Variants in TENM4 observed in about 807,000 individuals in gnomAD.
TENM4 encodes the protein teneurin-4.
In TENM4, 82 loss-of-function variants were observed where a neutral mutation model predicts 243.3. That is an observed-to-expected ratio of 0.34 (90% confidence interval 0.28 to 0.40). TENM4 has a LOEUF of 0.40. Among genes scored for constraint, TENM4 ranks in the 10% least tolerant of loss-of-function variants. The pLI is 1.00. For synonymous variants in TENM4, 1,412 were observed against 1,456.3 expected, an observed-to-expected ratio of 0.97 and a Z score of 0.69; for missense variants, 3,138 against 3,673.3, an observed-to-expected ratio of 0.85 and a Z score of 3.77.
chr11:78,676,802 C>A (rs1351815529), intron 29 of TENM4, among the ~76,000 whole-genome samples: 1 of 152,186 alleles, frequency 6.6e-6, no homozygotes, highest in East Asian at 1.9e-4. Context: ...AATAGATACT[C>A]AGTTTGATTC....
intron 4 of TENM4, among the ~76,000 whole-genome samples, chr11:79,119,558 A>G (rs1490804106): frequency 6.6e-6 from 1 of 152,190 alleles, no homozygotes; most frequent in African/African-American, 2.4e-5. Context: ...CTAATCATCA[A>G]GGCATCAGCC....
intron 10 of TENM4, among the ~76,000 whole-genome samples, chr11:78,856,757 G>GA (rs1414251503): frequency 2.0e-5 from 3 of 152,146 alleles, no homozygotes; most frequent in Non-Finnish European, 4.4e-5. Context: ...GGAAGATGAG[G>GA]AAAAGGTACT....
intron 6 of TENM4, among the ~76,000 whole-genome samples, chr11:78,927,793 C>T (rs1856583216): frequency 6.6e-6 from 1 of 152,128 alleles, no homozygotes; most frequent in South Asian, 2.1e-4. Flanking sequence ...TCAGAGTTGG[C>T]ACTCAACCAG....
chr11:78,878,819 T>C (rs148629030), intron 9 of TENM4, among the ~76,000 whole-genome samples: 3 of 152,164 alleles, frequency 2.0e-5, no homozygotes, highest in African/African-American at 7.2e-5. Context: ...AATCCAGATA[T>C]GAAATAAGAA....
intron 1 of TENM4, chr11:79,422,055 C>T (rs1271914481): frequency 6.5e-6 from 1 of 153,122 alleles, no homozygotes; most frequent in Non-Finnish European, 1.5e-5. Flanking sequence ...AACAATCTTC[C>T]CATTCCCCCA....
chr11:79,418,413 C>T (rs1180607022), intron 1 of TENM4, among the ~76,000 whole-genome samples: 1 of 152,192 alleles, frequency 6.6e-6, no homozygotes, highest in Non-Finnish European at 1.5e-5. Context: ...AATACTGATA[C>T]TAATGGTTGC....
intron 2 of TENM4, among the ~76,000 whole-genome samples, chr11:79,290,450 T>C (rs1856335411): frequency 6.6e-6 from 1 of 152,144 alleles, no homozygotes; most frequent in Non-Finnish European, 1.5e-5. Context: ...AGAATCTGGG[T>C]TTTTTGGCAT....
chr11:78,838,524 A>T (rs1229699554), intron 12 of TENM4, among the ~76,000 whole-genome samples: 1 of 152,106 alleles, frequency 6.6e-6, no homozygotes. Flanking sequence ...TTCTAGCTTG[A>T]CTTTTAAATA....
chr11:79,375,463 T>C (rs1177330994), intron 1 of TENM4, among the ~76,000 whole-genome samples: 1 of 152,210 alleles, frequency 6.6e-6, no homozygotes, highest in Non-Finnish European at 1.5e-5. Context: ...TTCAGTATAA[T>C]AAACTTTTCT....
intron 16 of TENM4, among the ~76,000 whole-genome samples, chr11:78,781,008 T>C (rs1856829072): frequency 6.6e-6 from 1 of 152,212 alleles, no homozygotes; most frequent in African/African-American, 2.4e-5. Context: ...AGCCAGTTAA[T>C]ACCAAGTCCA....
intron 32 of TENM4, among the ~76,000 whole-genome samples, chr11:78,664,558 C>T (rs1223250119): frequency 1.3e-5 from 2 of 152,136 alleles, no homozygotes; most frequent in Admixed American, 6.5e-5. Context: ...CAGCTCAGTA[C>T]CCACTCACAG....
At chr11:79,075,698 A>T (rs1229352823) in intron 4 of TENM4, among the ~76,000 whole-genome samples, 2 of 152,218 alleles carry the variant, frequency 1.3e-5, no homozygotes, top group Non-Finnish European at 1.5e-5. Context: ...GACGAAGAGC[A>T]TGTGGCCCCC....
intron 1 of TENM4, among the ~76,000 whole-genome samples, chr11:79,320,919 C>G (rs1856877632): frequency 6.6e-6 from 1 of 152,206 alleles, no homozygotes; most frequent in Non-Finnish European, 1.5e-5. Context: ...AGCTAGGTGT[C>G]TCTGCATAAA....
In TENM4 at chr11:78,701,983, C is replaced by G; in HGVS notation, c.4630G>C (p.Val1544Leu). ...AKLNTPSSLA[V>L]CADGELYVAD... Reference sequence around the variant, plus strand: ...ACGTAGAGCTCCCCATCAGCACACACAGCCAAGGAAGATGGGGTATTTAAC... The same window carrying G: ...ACGTAGAGCTCCCCATCAGCACACAGAGCCAAGGAAGATGGGGTATTTAAC... Residue 1544 changes from valine to leucine, a missense_variant, in exon 28 of 34, where the codon GTG becomes CTG. Physicochemically the swap from Val to Leu is conservative, Grantham distance 32. Around this residue, in one of 2 missense-constraint regions of TENM4, gnomAD observed 2,467 missense variants for 3,059.1 expected, o/e 0.81. Coordinates refer to ENST00000278550, the MANE Select transcript of TENM4 (RefSeq NM_001098816.3). 2 of 1,614,040 alleles carry G rather than the reference C, an allele frequency of 1.2e-6. No individual in the cohort carries two copies. Among genetic ancestry groups the G allele is most frequent in the Non-Finnish European group, 1.7e-6 (2 of 1,179,900 alleles).
intron 6 of TENM4, among the ~76,000 whole-genome samples, chr11:79,060,600 T>C (rs916491611): frequency 2.6e-5 from 4 of 152,162 alleles, no homozygotes; most frequent in African/African-American, 4.8e-5. Flanking sequence ...GGTTGCACAT[T>C]TTTGGTGGCC....
At chr11:78,703,719 A>T (rs2135773327) in intron 27 of TENM4, among the ~76,000 whole-genome samples, 1 of 151,878 alleles carries the variant, frequency 6.6e-6, no homozygotes, top group South Asian at 2.1e-4. Flanking sequence ...CGACAGGTGC[A>T]CCCTACTGCT....
intron 19 of TENM4, among the ~76,000 whole-genome samples, chr11:78,755,632 T>C (rs907999086): frequency 2.0e-5 from 3 of 152,154 alleles, no homozygotes; most frequent in African/African-American, 7.2e-5. Flanking sequence ...TTTATCACCT[T>C]GCTCCCACCC....
At chr11:79,385,482 A>C (rs1404218273) in intron 1 of TENM4, among the ~76,000 whole-genome samples, 1 of 152,250 alleles carries the variant, frequency 6.6e-6, no homozygotes, top group Non-Finnish European at 1.5e-5. Context: ...TCCCCTGTTA[A>C]GATGAGAGTA....
At chr11:79,009,933 C>T (rs1363195696) in intron 6 of TENM4, among the ~76,000 whole-genome samples, 2 of 152,096 alleles carry the variant, frequency 1.3e-5, no homozygotes, top group Non-Finnish European at 2.9e-5. Context: ...GTGGGTTTTT[C>T]TCATGCTGTT....
Sources: allele counts gnomAD v4.1 joint callset (sites outside exome capture counted in the v4.1 genomes callset), GRCh38; gene constraint gnomAD v4.1.1; regional missense constraint gnomAD v4.1.1; transcripts MANE v1.5; gene names NCBI Gene and HGNC (gene_info 2026-07-23, HGNC 2026-07-21).